Variants in NCOA1 observed in about 807,000 individuals in gnomAD.
NCOA1 encodes nuclear receptor coactivator 1.
NCOA1 carries 35 observed loss-of-function variants against 150.9 expected under a neutral mutation model. That is an observed-to-expected ratio of 0.23 (90% CI 0.18 to 0.31). NCOA1 has a LOEUF of 0.31. Ranked by LOEUF, NCOA1 falls within the 10% of genes least tolerant of loss-of-function variation. NCOA1 has a pLI of 1.00. For synonymous variants in NCOA1, 590 were observed against 630.0 expected, an observed-to-expected ratio of 0.94 and a Z score of 0.95; for missense variants, 1,491 against 1,749.3, an observed-to-expected ratio of 0.85 and a Z score of 2.63.
chr2:24,729,892 C>T (rs1202291700), intron 17 of NCOA1, 77 bp downstream of exon 17: 2 of 1,467,386 alleles, frequency 1.4e-6, no homozygotes, highest in Non-Finnish European at 1.8e-6. Flanking sequence ...GCTAGTGTGG[C>T]TAGTGTGCAG....
chr2:24,643,314 G>T (rs1214005274), intron 3 of NCOA1, among the ~76,000 whole-genome samples: 1 of 152,124 alleles, frequency 6.6e-6, no homozygotes, highest in Non-Finnish European at 1.5e-5. Flanking sequence ...TCATAAGTGT[G>T]TATCTCACCC....
chr2:24,734,200 AAAG>A (rs1663172133), intron 17 of NCOA1, among the ~76,000 whole-genome samples: 1 of 151,964 alleles, frequency 6.6e-6, no homozygotes, highest in South Asian at 2.1e-4. Flanking sequence ...AAAGAAGAAA[AAAG>A]AAATTCACAC....
At chr2:24,547,096 G>A (rs572067567) in intron 1 of NCOA1, among the ~76,000 whole-genome samples, 12 of 152,270 alleles carry the variant, frequency 7.9e-5, no homozygotes, top group African/African-American at 2.9e-4. Flanking sequence ...AATCAATGGC[G>A]GCCAAGTTTG....
intron 6 of NCOA1, among the ~76,000 whole-genome samples, chr2:24,672,459 A>G (rs527514923): frequency 6.6e-6 from 1 of 152,132 alleles, no homozygotes; most frequent in Non-Finnish European, 1.5e-5. Context: ...CAGTGGCACA[A>G]TTATAGCCCA....
intron 1 of NCOA1, among the ~76,000 whole-genome samples, chr2:24,519,043 G>T (rs1439528539): frequency 6.6e-6 from 1 of 152,154 alleles, no homozygotes; most frequent in Admixed American, 6.5e-5. Flanking sequence ...GAAAAAAGTT[G>T]TAAGACTTAC....
At chr2:24,639,905 T>TAG in intron 3 of NCOA1, among the ~76,000 whole-genome samples, 1 of 12,568 alleles carries the variant, frequency 8.0e-5, no homozygotes, top group African/African-American at 1.6e-4. Context: ...AAAAAAAAAG[T>TAG]ATGTGTGTGT....
intron 1 of NCOA1, among the ~76,000 whole-genome samples, chr2:24,542,111 T>C (rs1665424234): frequency 6.6e-6 from 1 of 152,182 alleles, no homozygotes. Context: ...ATGGAGATCA[T>C]GACCAAGAAG....
At chr2:24,644,553 A>C (rs1670375100) in intron 4 of NCOA1, among the ~76,000 whole-genome samples, 2 of 152,112 alleles carry the variant, frequency 1.3e-5, no homozygotes, top group Admixed American at 1.3e-4. Flanking sequence ...ATACCTATGT[A>C]ATTTATGTGT....
At chr2:24,632,306 G>A (rs779669871) in intron 3 of NCOA1, among the ~76,000 whole-genome samples, 9 of 152,088 alleles carry the variant, frequency 5.9e-5, no homozygotes, top group Non-Finnish European at 1.2e-4. Context: ...CAAAAGGCTC[G>A]GATAGTAGTA....
At chr2:24,766,067 ATTT>A (rs1665049481) in intron 22 of NCOA1, among the ~76,000 whole-genome samples, 1 of 151,696 alleles carries the variant, frequency 6.6e-6, no homozygotes, top group Non-Finnish European at 1.5e-5. Flanking sequence ...CACCCAGCTA[ATTT>A]TTTTATTTTT....
chr2:24,497,740 G>T (rs948840200), intron 1 of NCOA1, among the ~76,000 whole-genome samples: 7 of 152,072 alleles, frequency 4.6e-5, no homozygotes, highest in Non-Finnish European at 8.8e-5. Flanking sequence ...TGATTCTTTG[G>T]TGCTTCTATC....
chr2:24,572,380 A>C (rs112053138), intron 2 of NCOA1, among the ~76,000 whole-genome samples: 1 of 152,238 alleles, frequency 6.6e-6, no homozygotes, highest in African/African-American at 2.4e-5. Context: ...TTGGGGGTGA[A>C]GTGGGAACAA....
At chr2:24,746,523 T>C (rs1663929501) in intron 19 of NCOA1, among the ~76,000 whole-genome samples, 1 of 152,052 alleles carries the variant, frequency 6.6e-6, no homozygotes, top group African/African-American at 2.4e-5. Flanking sequence ...GTCTGGGCAA[T>C]AGAGCAAGCC....
chr2:24,680,753 T>A (rs2148535709), intron 7 of NCOA1, among the ~76,000 whole-genome samples: 1 of 152,260 alleles, frequency 6.6e-6, no homozygotes, highest in Middle Eastern at 3.4e-3. Context: ...ATGATAAGTA[T>A]ATGAGGTAGT....
chr2:24,549,242 C>A (rs889585893), intron 1 of NCOA1, among the ~76,000 whole-genome samples: 2 of 152,200 alleles, frequency 1.3e-5, no homozygotes, highest in African/African-American at 4.8e-5. Flanking sequence ...GAAACAACAG[C>A]CTGAGTTGTA....
chr2:24,720,742 T>C (rs959669273), intron 14 of NCOA1, among the ~76,000 whole-genome samples: 7 of 152,166 alleles, frequency 4.6e-5, no homozygotes, highest in African/African-American at 1.7e-4. Context: ...AACAAAAATA[T>C]GATAGCGTAT....
intron 14 of NCOA1, chr2:24,711,321 A>C: frequency 2.3e-6 from 1 of 444,116 alleles, no homozygotes; most frequent in Non-Finnish European, 3.8e-6. Flanking sequence ...TTTTGTAATT[A>C]ATGTTAAGGT....
intron 3 of NCOA1, among the ~76,000 whole-genome samples, chr2:24,628,180 A>G (rs1384866062): frequency 1.3e-5 from 2 of 151,882 alleles, no homozygotes; most frequent in Non-Finnish European, 2.9e-5. Flanking sequence ...GACGCCTGTA[A>G]CTCCAGCTAC....
chr2:24,669,451 G>A (rs1029882478), intron 6 of NCOA1, among the ~76,000 whole-genome samples: 9 of 152,080 alleles, frequency 5.9e-5, no homozygotes, highest in Non-Finnish European at 1.0e-4. Context: ...TTCACGTTCC[G>A]TTAGGCCAGA....
Sources: allele counts gnomAD v4.1 joint callset (sites outside exome capture counted in the v4.1 genomes callset), GRCh38; gene constraint gnomAD v4.1.1; transcripts MANE v1.5; gene names NCBI Gene and HGNC (gene_info 2026-07-23, HGNC 2026-07-21).